Variants in DLGAP1 observed in about 807,000 individuals in gnomAD.
DLGAP1 encodes DLG associated protein 1.
DLGAP1 carries 11 observed loss-of-function variants against 90.8 expected under a neutral mutation model. That is an observed-to-expected ratio of 0.12 (90% confidence interval 0.08 to 0.20). The LOEUF is 0.20. Ranked by LOEUF, DLGAP1 falls within the 10% of genes least tolerant of loss-of-function variation. DLGAP1 has a pLI of 1.00. For missense variants in DLGAP1, 1,050 were observed against 1,333.8 expected (o/e 0.79, Z 3.31); for synonymous variants, 558 against 540.7 (o/e 1.03, Z -0.44).
At chr18:3,515,193 G>C (rs542399712) in intron 10 of DLGAP1, among the ~76,000 whole-genome samples, 3 of 152,170 alleles carry the variant, frequency 2.0e-5, no homozygotes, top group African/African-American at 7.2e-5. Flanking sequence ...TCAAGGGGCC[G>C]GGCGCGGTGG....
chr18:4,411,896 C>T (rs747946263), intron 1 of DLGAP1, among the ~76,000 whole-genome samples: 29 of 152,164 alleles, frequency 1.9e-4, no homozygotes, highest in Admixed American at 5.2e-4. Context: ...ACATAACCAT[C>T]ACTTCTGCCA....
intron 1 of DLGAP1, among the ~76,000 whole-genome samples, chr18:4,322,953 A>C (rs1427247309): frequency 3.4e-5 from 5 of 148,742 alleles, no homozygotes; most frequent in Admixed American, 6.7e-5. Context: ...GAAAAAAAAA[A>C]AAAAAAAAAA....
chr18:4,419,585 CA>C (rs2082981236), intron 1 of DLGAP1, among the ~76,000 whole-genome samples: 1 of 151,750 alleles, frequency 6.6e-6, no homozygotes, highest in African/African-American at 2.4e-5. Context: ...AAAATGGTAC[CA>C]ACATATTGTA....
At chr18:3,952,923 T>G (rs1164070040) in intron 3 of DLGAP1, among the ~76,000 whole-genome samples, 1 of 152,220 alleles carries the variant, frequency 6.6e-6, no homozygotes, top group African/African-American at 2.4e-5. Flanking sequence ...ATTTTTCCTC[T>G]TAACTACTGA....
chr18:4,336,068 C>T (rs913560459), intron 1 of DLGAP1, among the ~76,000 whole-genome samples: 7 of 152,240 alleles, frequency 4.6e-5, no homozygotes, highest in African/African-American at 1.7e-4. Context: ...CAATGCCAAT[C>T]TGCCTGTTAT....
chr18:3,582,850 TC>T (rs2055606886), intron 7 of DLGAP1, among the ~76,000 whole-genome samples: 1 of 47,034 alleles, frequency 2.1e-5, no homozygotes, highest in African/African-American at 8.9e-5. Context: ...CCCTCCCCCC[TC>T]CCTCCCTCCC....
chr18:4,211,876 C>T (rs969877923), intron 1 of DLGAP1, among the ~76,000 whole-genome samples: 1 of 152,128 alleles, frequency 6.6e-6, no homozygotes, highest in African/African-American at 2.4e-5. Flanking sequence ...ATTCTTCACC[C>T]CTTCTCCTTT....
At chr18:3,593,370 C>T (rs1230079779) in intron 7 of DLGAP1, among the ~76,000 whole-genome samples, 1 of 152,186 alleles carries the variant, frequency 6.6e-6, no homozygotes, top group East Asian at 1.9e-4. Context: ...AAAATATTTA[C>T]AGCTTCACAT....
chr18:3,902,143 G>C (rs1294262667), intron 3 of DLGAP1, among the ~76,000 whole-genome samples: 2 of 152,132 alleles, frequency 1.3e-5, no homozygotes, highest in Non-Finnish European at 2.9e-5. Flanking sequence ...AGGCAGAGCA[G>C]AAAAAATTGA....
chr18:4,093,842 A>G (rs2075628214), intron 2 of DLGAP1, among the ~76,000 whole-genome samples: 1 of 152,024 alleles, frequency 6.6e-6, no homozygotes, highest in South Asian at 2.1e-4. Flanking sequence ...CTGTGAAGCT[A>G]TACTCTTCTG....
At chr18:3,646,906 C>CA (rs2059141234) in intron 7 of DLGAP1, among the ~76,000 whole-genome samples, 1 of 151,826 alleles carries the variant, frequency 6.6e-6, no homozygotes, top group African/African-American at 2.4e-5. Flanking sequence ...GCCTGGGCAA[C>CA]AGGGCGAGAC....
intron 8 of DLGAP1, among the ~76,000 whole-genome samples, chr18:3,572,436 A>ATTTATTTGTTTG (rs2054863435): frequency 3.3e-5 from 5 of 149,524 alleles, no homozygotes; most frequent in Non-Finnish European, 7.4e-5. Flanking sequence ...TTATTTATTT[A>ATTTATTTGTTTG]TTTGTTTGTT....
intron 2 of DLGAP1, among the ~76,000 whole-genome samples, chr18:4,099,694 T>C (rs1020718355): frequency 1.5e-4 from 22 of 151,212 alleles, no homozygotes; most frequent in Non-Finnish European, 2.7e-4. Flanking sequence ...ATTTCTTTTC[T>C]TTTTTTACTT....
intron 7 of DLGAP1, among the ~76,000 whole-genome samples, chr18:3,675,572 A>G (rs1053714298): frequency 3.9e-5 from 6 of 152,206 alleles, no homozygotes; most frequent in Non-Finnish European, 7.3e-5. Context: ...AAGCTACTGC[A>G]GTGGTACCCT....
Position 4,342,245 on chromosome 18 carries a change from G to A in DLGAP1, c.-267+112761C>T, listed in dbSNP as rs1229377166. ...TAACCCTGGGATCACCTACAACAGAGCCCCTGAACTTGATTCTGCTTGCAT... is the reference window on the plus strand; with the variant it reads ...TAACCCTGGGATCACCTACAACAGAACCCCTGAACTTGATTCTGCTTGCAT... On this transcript the variant is annotated intron_variant, in intron 1 of 12. Transcript: ENST00000315677. This position sits in a 1 kb window ranked among gnomAD's most constrained non-coding sequence, Gnocchi z 5.8. Among the ~76,000 whole-genome samples the A allele has an allele frequency of 6.6e-6, 1 of 151,978 alleles. No individual in the cohort carries two copies. The highest frequency in any genetic ancestry group is 1.5e-5 in the Non-Finnish European group (1 of 67,998).
chr18:4,104,622 T>C (rs1038893693), intron 2 of DLGAP1, among the ~76,000 whole-genome samples: 8 of 152,234 alleles, frequency 5.3e-5, no homozygotes, highest in Admixed American at 4.6e-4. Context: ...TTGAAAGTCT[T>C]CAAATATAAT....
At chr18:3,779,580 C>T (rs777090230) in intron 5 of DLGAP1, among the ~76,000 whole-genome samples, 7 of 152,114 alleles carry the variant, frequency 4.6e-5, no homozygotes, top group Non-Finnish European at 8.8e-5. Flanking sequence ...TTGCTTTGTT[C>T]ATGCTGCCCC....
At chr18:4,279,437 G>T (rs2145419088) in intron 1 of DLGAP1, among the ~76,000 whole-genome samples, 1 of 152,288 alleles carries the variant, frequency 6.6e-6, no homozygotes, top group Non-Finnish European at 1.5e-5. Flanking sequence ...TTAGGTTAAA[G>T]TAAAGTAATA....
chr18:3,567,055 TTCATTCATTCATTCA>T (rs1352406622), intron 9 of DLGAP1, among the ~76,000 whole-genome samples: 2 of 150,160 alleles, frequency 1.3e-5, no homozygotes, highest in Non-Finnish European at 2.9e-5. Flanking sequence ...CATTCATTCA[TTCATTCATTCATTCA>T]TCATTCATTC....
Sources: allele counts gnomAD v4.1 joint callset (sites outside exome capture counted in the v4.1 genomes callset), GRCh38; gene constraint gnomAD v4.1.1; non-coding constraint Gnocchi (gnomAD v3.1); transcripts MANE v1.5; gene names NCBI Gene and HGNC (gene_info 2026-07-23, HGNC 2026-07-21).